The following LAMP5 variants were observed in gnomAD, a reference collection of about 807,000 sequenced individuals.
LAMP5 encodes the protein lysosome associated membrane protein 5, also known as lysosome-associated membrane glycoprotein 5.
In LAMP5, 36 loss-of-function variants were observed where a neutral mutation model predicts 30.2. The ratio of observed to expected loss-of-function variants is 1.19; its 90% CI spans 0.91 to 1.57. The LOEUF is 1.57. LAMP5 is among the 40% of genes most tolerant of loss of function. LAMP5 has a pLI of 0.00. For synonymous variants in LAMP5, 149 were observed against 134.6 expected (o/e 1.11, Z -0.74); for missense variants, 377 against 354.9 (o/e 1.06, Z -0.50).
Position 9,514,706 on chromosome 20 carries a change from C to G in LAMP5, c.-147C>G. On this transcript the variant is annotated 5_prime_UTR_variant, in exon 1 of 6. Transcript: ENST00000246070. Reference sequence around the variant, plus strand: ...CGCTCGACACCGAGTCCTAGCTAGGCGCTCACAGAATACGCGCTCCCTCCC... The same window carrying G: ...CGCTCGACACCGAGTCCTAGCTAGGGGCTCACAGAATACGCGCTCCCTCCC... 1 of 665,758 alleles carries G rather than the reference C, an allele frequency of 1.5e-6. No individual in the cohort carries two copies. Among genetic ancestry groups the G allele is most frequent in the Non-Finnish European group, 2.6e-6 (1 of 383,460 alleles). The allele number at this position is 665,758 out of a possible 1,614,324, so 41.2% of individuals were successfully genotyped here.
At chr20:9,516,469 A>T in intron 4 of LAMP5, 108 bp downstream of exon 4, 1 of 920,272 alleles carries the variant, frequency 1.1e-6, no homozygotes. Flanking sequence ...TTGAGGTCCC[A>T]GGCCAAGTCT....
At chr20:9,522,885 T>A (rs879372208) in intron 5 of LAMP5, among the ~76,000 whole-genome samples, 2 of 151,998 alleles carry the variant, frequency 1.3e-5, no homozygotes, top group Admixed American at 1.3e-4. Flanking sequence ...TGGGATAGGG[T>A]GTATACAATG....
chr20:9,529,790 G>A lies in LAMP5; in HGVS notation c.813G>A (p.Arg271=), dbSNP rs138712732. ...CTGCCAACCAGGTGCAGATCCCTCGGGACAGATCCCAGTATAAGCACATGG... is the reference window on the plus strand; with the variant it reads ...CTGCCAACCAGGTGCAGATCCCTCGAGACAGATCCCAGTATAAGCACATGG... ...KMTANQVQIP[R]DRSQYKHMG The change falls in exon 6 of 6, where the codon CGG becomes CGA. Residue 271 remains arginine (R), a synonymous_variant. Coordinates refer to ENST00000246070, the MANE Select transcript of LAMP5 (RefSeq NM_012261.4). The A allele has an allele frequency of 5.6e-6, 9 of 1,614,046 alleles. No homozygotes were observed. The highest frequency in any genetic ancestry group is 7.6e-6 in the Non-Finnish European group (9 of 1,180,028).
chr20:9,524,595 T>TAAAAAAAAAAAAA lies in LAMP5; in HGVS notation c.665-5038_665-5026dup, dbSNP rs748114210. 4.0e-3 allele frequency among the ~76,000 whole-genome samples: 321 copies of TAAAAAAAAAAAAA among 81,174 alleles called. 1 individual carries two copies. Among genetic ancestry groups the TAAAAAAAAAAAAA allele is most frequent in the Non-Finnish European group, 6.3e-3 (249 of 39,240 alleles). The allele number at this position is 81,174 out of a possible 152,430, so 53.3% of individuals were successfully genotyped here. On this transcript the variant is annotated intron_variant, in intron 5 of 5. Coordinates refer to ENST00000246070, the MANE Select transcript of LAMP5 (RefSeq NM_012261.4). ...CCCTCATCTAAAACCCAGATCGAAC[T>TAAAAAAAAAAAAA]AAAAAAAAAAAAAAAAAAAAACAAA... is the stretch of plus-strand genomic sequence containing the variant.
At chr20:9,515,056 G>A in intron 1 of LAMP5, 140 bp downstream of exon 1, 1 of 772,122 alleles carries the variant, frequency 1.3e-6, no homozygotes, top group Non-Finnish European at 2.1e-6. Context: ...TTCTTTTAGG[G>A]GAGGAGGGAG....
At position 9,518,058 on chromosome 20, in the gene LAMP5, A is replaced by T; in HGVS notation, c.494A>T (p.Asn165Ile). 1 of 1,613,722 alleles carries T rather than the reference A, an allele frequency of 6.2e-7. No homozygotes were observed. The highest frequency in any genetic ancestry group is 8.5e-7 in the Non-Finnish European group (1 of 1,179,996). ...GCTGTAGCTGGGAAGCACACAGCCA[A>T]CTCGCACCACCTCTCTGCCTTGGTC... Reference protein sequence around the residue: ...DAVSAGKHTANSHHLSALVTP... With the variant: ...DAVSAGKHTAISHHLSALVTP... The change falls in exon 5 of 6, where the codon AAC becomes ATC. Residue 165 changes from asparagine (N) to isoleucine (I), a missense_variant. Physicochemically the swap from Asn to Ile is moderately radical, Grantham distance 149. Coordinates refer to ENST00000246070, the MANE Select transcript of LAMP5 (RefSeq NM_012261.4).
At chr20:9,522,222 T>C (rs377254903) in intron 5 of LAMP5, among the ~76,000 whole-genome samples, 1 of 152,350 alleles carries the variant, frequency 6.6e-6, no homozygotes. Context: ...TTTATTATTG[T>C]TCCTAGCATC....
chr20:9,525,720 A>T (rs761667127), intron 5 of LAMP5, among the ~76,000 whole-genome samples: 1 of 152,192 alleles, frequency 6.6e-6, no homozygotes, highest in Non-Finnish European at 1.5e-5. Context: ...CCCCATCCCC[A>T]GATTCTTCCC....
At chr20:9,520,866 C>T (rs1568944144) in intron 5 of LAMP5, among the ~76,000 whole-genome samples, 2 of 152,212 alleles carry the variant, frequency 1.3e-5, no homozygotes, top group African/African-American at 4.8e-5. Context: ...ACTACACTGA[C>T]CCCCAAACAA....
intron 5 of LAMP5, among the ~76,000 whole-genome samples, chr20:9,518,716 C>T (rs775171722): frequency 6.6e-6 from 1 of 152,256 alleles, no homozygotes; most frequent in Non-Finnish European, 1.5e-5. Context: ...GGGAAAGGGC[C>T]TTTGCCTTTC....
At chr20:9,526,887 T>G (rs2045117648) in intron 5 of LAMP5, among the ~76,000 whole-genome samples, 1 of 130,444 alleles carries the variant, frequency 7.7e-6, no homozygotes, top group South Asian at 2.4e-4. Context: ...TATATATATA[T>G]ATATATATAT....
chr20:9,524,479 T>C (rs2045098585), intron 5 of LAMP5, among the ~76,000 whole-genome samples: 1 of 151,346 alleles, frequency 6.6e-6, no homozygotes, highest in Non-Finnish European at 1.5e-5. Flanking sequence ...ATATTGTTTT[T>C]TTTTTTTTCC....
Position 9,529,844 on chromosome 20 carries a change from A to G in LAMP5, c.*24A>G. 1 of 1,610,536 alleles carries G rather than the reference A, an allele frequency of 6.2e-7. No homozygotes were observed. Among genetic ancestry groups the G allele is most frequent in the Non-Finnish European group, 8.5e-7 (1 of 1,177,204 alleles). On this transcript the variant is annotated 3_prime_UTR_variant, in exon 6 of 6. Coordinates refer to ENST00000246070, the MANE Select transcript of LAMP5 (RefSeq NM_012261.4). ...AGAGGCCGTTAGGCAGGCACCCCCTATTCCTGCTCCCCCAACTGGATCAGG... is the reference window on the plus strand; with the variant it reads ...AGAGGCCGTTAGGCAGGCACCCCCTGTTCCTGCTCCCCCAACTGGATCAGG...
chr20:9,518,639 C>G (rs1224342741), intron 5 of LAMP5, among the ~76,000 whole-genome samples: 2 of 152,220 alleles, frequency 1.3e-5, no homozygotes, highest in Non-Finnish European at 2.9e-5. Context: ...AATTTTGATG[C>G]AAACTTCCCA....
Position 9,515,998 on chromosome 20 carries a change from A to C in LAMP5, c.238-2A>C. On this transcript the variant is annotated splice_acceptor_variant, in intron 2 of 5. Transcript: ENST00000246070. LOFTEE classifies it high-confidence loss of function. Reference sequence around the variant, plus strand: ...GGGGGCGCGGGGCGTCTGTGTTCCCAGCTGATCACAGAACAGGCCGATATC... The same window carrying C: ...GGGGGCGCGGGGCGTCTGTGTTCCCCGCTGATCACAGAACAGGCCGATATC... The C allele has an allele frequency of 6.6e-7, 1 of 1,506,536 alleles. No individual in the cohort carries two copies. Among genetic ancestry groups the C allele is most frequent in the Admixed American group, 2.4e-5 (1 of 42,308 alleles). The allele number at this position is 1,506,536 out of a possible 1,614,324, so 93.3% of individuals were successfully genotyped here.
intron 5 of LAMP5, among the ~76,000 whole-genome samples, chr20:9,523,555 T>C (rs2045092587): frequency 6.6e-6 from 1 of 152,214 alleles, no homozygotes; most frequent in African/African-American, 2.4e-5. Flanking sequence ...AGGAGACTTT[T>C]GTTGGCAACT....
chr20:9,529,337 CAAT>C (rs1288492100), intron 5 of LAMP5, among the ~76,000 whole-genome samples: 4 of 147,982 alleles, frequency 2.7e-5, no homozygotes, highest in Admixed American at 1.4e-4. Context: ...ACAATAAAAA[CAAT>C]GATGATTGTG....
intron 5 of LAMP5, among the ~76,000 whole-genome samples, chr20:9,525,880 C>T (rs1227060293): frequency 1.3e-5 from 2 of 152,234 alleles, no homozygotes; most frequent in Non-Finnish European, 2.9e-5. Flanking sequence ...AGACACAGCT[C>T]TTTCTCCATT....
In LAMP5 at chr20:9,529,829, A is replaced by G. The variant is rs1226875214; in HGVS notation, c.*9A>G. The stretch of plus-strand genomic sequence containing the variant: ...ATAAGCACATGGGCTAGAGGCCGTT[A>G]GGCAGGCACCCCCTATTCCTGCTCC... On this transcript the variant is annotated 3_prime_UTR_variant, in exon 6 of 6. Transcript: ENST00000246070. 1 of 1,613,422 alleles carries G rather than the reference A, an allele frequency of 6.2e-7. No homozygotes were observed. The highest frequency in any genetic ancestry group is 8.5e-7 in the Non-Finnish European group (1 of 1,179,562).
Sources: allele counts gnomAD v4.1 joint callset (sites outside exome capture counted in the v4.1 genomes callset), GRCh38; gene constraint gnomAD v4.1.1; transcripts MANE v1.5; gene names NCBI Gene and HGNC (gene_info 2026-07-23, HGNC 2026-07-21).